The following VWA5A variants were observed in gnomAD, a reference collection of about 807,000 sequenced individuals.
VWA5A encodes von Willebrand factor A domain containing 5A, also known as von Willebrand factor A domain-containing protein 5A.
A neutral mutation model predicts 84.6 loss-of-function variants in VWA5A; 77 were observed. The observed-to-expected ratio is 0.91, with a 90% CI of 0.76 to 1.10. VWA5A has a LOEUF of 1.10. VWA5A is among the 50% of genes least tolerant of loss of function. The pLI is 0.00. For synonymous variants in VWA5A, 334 were observed against 350.1 expected (o/e 0.95, Z 0.51); for missense variants, 973 against 963.0 (o/e 1.01, Z -0.14).
intron 15 of VWA5A, among the ~76,000 whole-genome samples, chr11:124,139,609 T>C (rs1860686978): frequency 6.6e-6 from 1 of 152,176 alleles, no homozygotes; most frequent in Non-Finnish European, 1.5e-5. Context: ...TGTTTGTGTA[T>C]AGAAACACTA....
rs1175052659 is a variant in VWA5A, at chr11:124,142,568, C to A, written c.2150C>A (p.Ala717Asp). The A allele has an allele frequency of 6.2e-7, 1 of 1,613,966 alleles. No individual in the cohort carries two copies. Residue 717 changes from alanine to aspartate, a missense_variant, in exon 17 of 19, where the codon GCC (alanine) becomes GAC (aspartate). Coordinates refer to ENST00000456829, the MANE Select transcript of VWA5A (RefSeq NM_001130142.2). ...SLEEIMAAQP[A>D]ELVDSSGWAT... Reference sequence around the variant, plus strand: ...GAAGAAATAATGGCTGCACAGCCTGCCGAGGTAAGATTCAATGGAAAAAGG... The same window carrying A: ...GAAGAAATAATGGCTGCACAGCCTGACGAGGTAAGATTCAATGGAAAAAGG...
chr11:124,131,378 A>G (rs1405111028), intron 11 of VWA5A, among the ~76,000 whole-genome samples: 5 of 151,976 alleles, frequency 3.3e-5, no homozygotes, highest in African/African-American at 1.2e-4. Flanking sequence ...TGAATTGTCT[A>G]TTTTTGGAAT....
rs201757274 is a variant in VWA5A, at chr11:124,117,502, T to G, written c.-10T>G. The G allele has an allele frequency of 6.2e-7, 1 of 1,614,194 alleles. No individual in the cohort carries two copies. The highest frequency in any genetic ancestry group is 1.7e-5 in the Admixed American group (1 of 60,028). On this transcript the variant is annotated 5_prime_UTR_variant, in exon 3 of 19. Transcript: ENST00000456829. ...GTGATATGTCTTTTCTGCAGAAATC[T>G]TGCATCACCATGGTGCACTTCTGTG...
At chr11:124,133,016 T>C (rs775840520) in intron 11 of VWA5A, among the ~76,000 whole-genome samples, 3 of 152,220 alleles carry the variant, frequency 2.0e-5, no homozygotes, top group Admixed American at 6.5e-5. Context: ...ACAAGTACAG[T>C]GCCTAATTTC....
Position 124,142,442 on chromosome 11 carries a change from G to T in VWA5A, c.2024G>T (p.Gly675Val), listed in dbSNP as rs201184858. ...LISHKDQHSP[G>V]FGENHLVQLI... ...TCTTCTCTTTTCTTTCTCCTCAAAG[G>T]CTTTGGAGAGAATCACCTTGTGCAG... Residue 675 changes from glycine (G) to valine (V), a missense_variant and splice_region_variant, in exon 17 of 19, where the codon GGC (glycine) becomes GTC (valine). Transcript: ENST00000456829. 1.2e-5 allele frequency: 19 copies of T among 1,613,938 alleles called. No homozygotes were observed. Among genetic ancestry groups the T allele is most frequent in the Admixed American group, 1.7e-5 (1 of 60,000 alleles).
intron 16 of VWA5A, among the ~76,000 whole-genome samples, chr11:124,142,129 C>A (rs1363731459): frequency 2.0e-5 from 3 of 152,110 alleles, no homozygotes. Flanking sequence ...TTGAAACCTG[C>A]TATCCCAGTG....
intron 7 of VWA5A, among the ~76,000 whole-genome samples, chr11:124,119,893 T>C (rs1465992583): frequency 1.3e-5 from 2 of 152,236 alleles, no homozygotes; most frequent in African/African-American, 4.8e-5. Flanking sequence ...TGTGATTAGA[T>C]TGACTAAGTT....
intron 15 of VWA5A, 32 bp from the exon 16 acceptor site, chr11:124,141,566 G>T (rs975000957): frequency 6.2e-7 from 1 of 1,611,794 alleles, no homozygotes; most frequent in Non-Finnish European, 8.5e-7. Context: ...AGAGCAGGGA[G>T]TGCCACTGTC....
In VWA5A at chr11:124,118,960, C is replaced by T; in HGVS notation, c.646-15C>T. 1.2e-6 allele frequency: 2 copies of T among 1,612,358 alleles called. No individual in the cohort carries two copies. Among genetic ancestry groups the T allele is most frequent in the South Asian group, 2.2e-5 (2 of 90,780 alleles). ...TATGATTCTAATGTGGCTCCTTTAC[C>T]TGTCCTCCACTCAGGTTTCCCTGGC... On this transcript the variant is annotated splice_polypyrimidine_tract_variant and intron_variant, in intron 6 of 18. Coordinates refer to ENST00000456829, the MANE Select transcript of VWA5A (RefSeq NM_001130142.2).
chr11:124,132,351 G>A, intron 11 of VWA5A, among the ~76,000 whole-genome samples: 1 of 151,982 alleles, frequency 6.6e-6, no homozygotes, highest in Non-Finnish European at 1.5e-5. Context: ...ATCATAAAAT[G>A]AGCTGTGAAG....
At chr11:124,145,798 T>C in intron 18 of VWA5A, 68 bp from the exon 19 acceptor site, 1 of 1,468,314 alleles carries the variant, frequency 6.8e-7, no homozygotes. Context: ...GGGTAGATGA[T>C]CTGGGAGGTT....
intron 11 of VWA5A, 109 bp downstream of exon 11, chr11:124,124,425 C>A: frequency 7.0e-7 from 1 of 1,438,106 alleles, no homozygotes; most frequent in South Asian, 1.6e-5. Flanking sequence ...CAAATGATTT[C>A]AGAATTTAGT....
At chr11:124,122,559 T>C (rs1432102158) in intron 7 of VWA5A, among the ~76,000 whole-genome samples, 1 of 152,262 alleles carries the variant, frequency 6.6e-6, no homozygotes, top group East Asian at 1.9e-4. Flanking sequence ...TTAAGGCCCA[T>C]GTGATACATT....
chr11:124,141,523 T>C (rs983190431), intron 15 of VWA5A, 75 bp from the exon 16 acceptor site: 15 of 1,568,798 alleles, frequency 9.6e-6, no homozygotes, highest in Non-Finnish European at 1.3e-5. Context: ...GGGGTATGTA[T>C]CTTGAATTGT....
At chr11:124,118,828 C>G (rs1484952525) in intron 6 of VWA5A, 120 bp downstream of exon 6, 3 of 1,365,390 alleles carry the variant, frequency 2.2e-6, no homozygotes, top group Non-Finnish European at 3.0e-6. Context: ...CCTTGCATAT[C>G]GTCATTTAAT....
At chr11:124,124,155 A>G (rs1274862661) in intron 10 of VWA5A, 82 bp from the exon 11 acceptor site, 17 of 1,319,778 alleles carry the variant, frequency 1.3e-5, no homozygotes, top group Non-Finnish European at 1.3e-5. Context: ...GCAATGAAAT[A>G]GGTGGATTTT....
chr11:124,137,348 T>C, intron 15 of VWA5A, 80 bp downstream of exon 15: 1 of 1,515,516 alleles, frequency 6.6e-7, no homozygotes, highest in Non-Finnish European at 8.8e-7. Context: ...AGGAAAGGGC[T>C]GTGAAATGTT....
chr11:124,138,201 T>G (rs1186167385), intron 15 of VWA5A, among the ~76,000 whole-genome samples: 2 of 152,256 alleles, frequency 1.3e-5, no homozygotes. Flanking sequence ...ATTTTCATCA[T>G]TCATTCATCC....
At chr11:124,132,612 A>G (rs892061975) in intron 11 of VWA5A, among the ~76,000 whole-genome samples, 3 of 151,990 alleles carry the variant, frequency 2.0e-5, no homozygotes, top group African/African-American at 7.2e-5. Flanking sequence ...TTCTTTCCTA[A>G]TGTTGGTTAT....
Sources: gnomAD v4.1 joint callset for allele counts (sites outside exome capture counted in the v4.1 genomes callset) on GRCh38, gnomAD v4.1.1 for gene constraint, MANE v1.5 for transcripts, NCBI Gene and HGNC (gene_info 2026-07-23, HGNC 2026-07-21) for gene names.